B9D2: variants seen among roughly 807,000 people sequenced by gnomAD.
B9D2 encodes B9 domain containing 2.
Under a neutral mutation model 19.2 loss-of-function variants are expected in B9D2, and 21 were observed. That is an observed-to-expected ratio of 1.09 (90% CI 0.78 to 1.58). The LOEUF (loss-of-function observed/expected upper bound fraction) is 1.58. Among genes scored for constraint, B9D2 ranks in the 40% most tolerant of loss-of-function variants. B9D2 has a pLI of 0.00. For missense variants in B9D2, 221 were observed against 244.3 expected (o/e 0.90, Z 0.64); for synonymous variants, 91 against 100.6 (o/e 0.90, Z 0.57).
At position 41,354,792 on chromosome 19, in the gene B9D2, G is replaced by C; in HGVS notation, c.436C>G (p.Arg146Gly). The C allele has an allele frequency of 6.2e-7, 1 of 1,613,980 alleles. No individual in the cohort carries two copies. The highest frequency in any genetic ancestry group is 8.5e-7 in the Non-Finnish European group (1 of 1,180,028). ...HGDTIYSGAD[R>G]YRLHTAAGGT... ...CCAGCAGCTGTGTGCAGGCGATAGC[G>C]GTCGGCCCCACTGTAGATGGTGTCC... is the stretch of plus-strand genomic sequence containing the variant. Residue 146 changes from arginine to glycine, a missense_variant, in exon 4 of 4, where the codon CGC becomes GGC. Transcript: ENST00000243578.
chr19:41,359,576 G>A (rs906430721), intron 2 of B9D2, among the ~76,000 whole-genome samples: 1 of 151,902 alleles, frequency 6.6e-6, no homozygotes, highest in Admixed American at 6.6e-5. Flanking sequence ...GGTGGCGCAC[G>A]CCCATAGTCC....
chr19:41,363,207 C>A, intron 2 of B9D2: 1 of 589,862 alleles, frequency 1.7e-6, no homozygotes, highest in Admixed American at 2.6e-5. Flanking sequence ...GATCACACCA[C>A]CTTACTCCAG....
intron 2 of B9D2, among the ~76,000 whole-genome samples, chr19:41,359,936 C>A (rs1224748995): frequency 6.6e-6 from 1 of 152,066 alleles, no homozygotes; most frequent in Non-Finnish European, 1.5e-5. Flanking sequence ...TCTGGCCTCA[C>A]TGTCCCACTT....
rs58315091 is a variant in B9D2 at position 41,358,912 on chromosome 19, G to A, written c.89-890C>T. Among the ~76,000 whole-genome samples, 68 of 152,052 alleles carry A rather than the reference G, an allele frequency of 4.5e-4. 1 individual carries two copies. Among genetic ancestry groups the A allele is most frequent in the Middle Eastern group, 3.4e-3 (1 of 294 alleles). ...AATCCCAGCACTTTAGGAGGCTTAG[G>A]GGGGGGTGGATCATCTAAGGTCAGG... On this transcript the variant is annotated intron_variant, in intron 2 of 3. Coordinates refer to ENST00000243578, the MANE Select transcript of B9D2 (RefSeq NM_030578.4).
Position 41,357,968 on chromosome 19 carries a change from G to T in B9D2, c.143C>A (p.Thr48Asn), listed in dbSNP as rs1340501833. The change falls in exon 3 of 4, where the codon ACC becomes AAC. Residue 48 changes from threonine (T) to asparagine (N), a missense_variant. Transcript: ENST00000243578. ...GTAAGCCATGTCCCCTATCTGCGGG[G>T]TGTCCACTTGCGTTTGGCCCTCCCG... ...GVREGQTQVDTPQIGDMAYWS... is the reference protein window; with the variant it reads ...GVREGQTQVDNPQIGDMAYWS... 6.8e-6 allele frequency: 11 copies of T among 1,614,144 alleles called. No individual in the cohort carries two copies. The highest frequency in any genetic ancestry group is 4.5e-5 in the East Asian group (2 of 44,886).
At chr19:41,360,382 G>T (rs369667136) in intron 2 of B9D2, among the ~76,000 whole-genome samples, 7 of 152,238 alleles carry the variant, frequency 4.6e-5, no homozygotes, top group African/African-American at 1.2e-4. Flanking sequence ...TCACTATGTT[G>T]CCCAGGCTGG....
At position 41,354,756 on chromosome 19, in the gene B9D2, G is replaced by A. The variant is rs1239721268; in HGVS notation, c.472C>T (p.His158Tyr). The A allele has an allele frequency of 1.2e-6, 2 of 1,613,862 alleles. No individual in the cohort carries two copies. The highest frequency in any genetic ancestry group is 1.3e-5 in the African/African-American group (1 of 74,936). ...CGGAGCAGCAGGCCGATCTCCAGGTGCACGGTGCCACCAGCAGCTGTGTGC... is the reference window on the plus strand; with the variant it reads ...CGGAGCAGCAGGCCGATCTCCAGGTACACGGTGCCACCAGCAGCTGTGTGC... ...RLHTAAGGTV[H>Y]LEIGLLLRNF... The change falls in exon 4 of 4, where the codon CAC becomes TAC. Residue 158 changes from histidine (H) to tyrosine (Y), a missense_variant. His to Tyr is a moderately conservative substitution (Grantham distance 83). Transcript: ENST00000243578.
intron 3 of B9D2, among the ~76,000 whole-genome samples, chr19:41,356,451 C>T (rs2038314512): frequency 6.6e-6 from 1 of 152,096 alleles, no homozygotes; most frequent in Admixed American, 6.6e-5. Context: ...CTGGAGGCCC[C>T]AAGAGCTGAA....
intron 2 of B9D2, chr19:41,361,252 T>C (rs1312817815): frequency 6.6e-6 from 1 of 152,160 alleles, no homozygotes; most frequent in African/African-American, 2.4e-5. Context: ...TGGGCTGAGT[T>C]GAGGGAAGCA....
chr19:41,358,944 A>T (rs1030907539), intron 2 of B9D2, among the ~76,000 whole-genome samples: 4 of 152,142 alleles, frequency 2.6e-5, no homozygotes, highest in Admixed American at 1.3e-4. Context: ...CAGGAGTTCA[A>T]GACCAGCCTG....
At chr19:41,357,280 C>G (rs965148337) in intron 3 of B9D2, among the ~76,000 whole-genome samples, 3 of 152,118 alleles carry the variant, frequency 2.0e-5, no homozygotes, top group Admixed American at 6.6e-5. Context: ...GACGGTGAAC[C>G]CTGTGAGGAC....
chr19:41,361,522 TCACA>T lies in B9D2; in HGVS notation c.88+1906_88+1909del, dbSNP rs565517535. Among the ~76,000 whole-genome samples, 1,015 of 152,226 alleles carry T rather than the reference TCACA, an allele frequency of 6.7e-3. 7 individuals carry two copies. Among genetic ancestry groups the T allele is most frequent in the African/African-American group, 0.021 (884 of 41,532 alleles). ...GGACCCAGGGGCCAGGCGCAGTGGC[TCACA>T]CCTGTAATCCCAGCACTTTGGAAGG... On this transcript the variant is annotated intron_variant, in intron 2 of 3. Coordinates refer to ENST00000243578, the MANE Select transcript of B9D2 (RefSeq NM_030578.4).
intron 2 of B9D2, among the ~76,000 whole-genome samples, chr19:41,359,388 A>G (rs4803458): frequency 0.7 from 105,645 of 151,890 alleles, 37,397 homozygotes; most frequent in African/African-American, 0.79. Flanking sequence ...CCAAAATGGT[A>G]AAACTCTGTC....
chr19:41,356,657 A>G (rs150742890), intron 3 of B9D2, among the ~76,000 whole-genome samples: 1,942 of 151,864 alleles, frequency 0.013, 54 homozygotes, highest in African/African-American at 0.045. Flanking sequence ...CAGCCTGACC[A>G]CCTTGGTGAA....
rs549005651 is a variant in B9D2, at chr19:41,359,777, A to C, written c.89-1755T>G. Among the ~76,000 whole-genome samples, 37 of 152,258 alleles carry C rather than the reference A, an allele frequency of 2.4e-4. 1 individual carries two copies. The highest frequency in any genetic ancestry group is 8.9e-4 in the African/African-American group (37 of 41,548). ...TCCCAGATGCTATGCTAAGTACTTT[A>C]AGCATCCATTCATTTAATCCACCCT... On this transcript the variant is annotated intron_variant, in intron 2 of 3. Transcript: ENST00000243578.
At chr19:41,356,476 C>T (rs1383696545) in intron 3 of B9D2, among the ~76,000 whole-genome samples, 1 of 151,968 alleles carries the variant, frequency 6.6e-6, no homozygotes, top group Non-Finnish European at 1.5e-5. Flanking sequence ...TAGAGCTGCC[C>T]ACCTCACCCA....
Position 41,364,006 on chromosome 19 carries a change from T to C in B9D2, c.-53A>G, listed in dbSNP as rs865886800. The C allele has an allele frequency of 4.8e-6, 1 of 206,536 alleles. No individual in the cohort carries two copies. Among genetic ancestry groups the C allele is most frequent in the Non-Finnish European group, 1.0e-5 (1 of 98,138 alleles). 12.8% of individuals were successfully genotyped at this position (206,536 alleles called of 1,614,324 possible). A position where few individuals can be genotyped will look rare whatever the true frequency, so the allele number is the denominator to read the frequency against. On this transcript the variant is annotated 5_prime_UTR_variant, in exon 1 of 4. Coordinates refer to ENST00000243578, the MANE Select transcript of B9D2 (RefSeq NM_030578.4). The stretch of plus-strand genomic sequence containing the variant: ...GAGGAGAAAGCGGCAACCGGGGTTG[T>C]AGTTCATGGGCTTGACTGCTTCTTT...
intron 3 of B9D2, among the ~76,000 whole-genome samples, chr19:41,357,507 T>C (rs1278933273): frequency 6.6e-6 from 1 of 152,198 alleles, no homozygotes; most frequent in Non-Finnish European, 1.5e-5. Context: ...TGATTTCCCC[T>C]TTGAGCAGCA....
rs2038447777 is a variant in B9D2 at position 41,363,483 on chromosome 19, C to A, written c.37G>T (p.Ala13Ser). The change falls in exon 2 of 4, where the codon GCC becomes TCC. Residue 13 changes from alanine (A) to serine (S), a missense_variant. Physicochemically the swap from Ala to Ser is moderately conservative, Grantham distance 99. Transcript: ENST00000243578. ...AGGCTACTTTCCGAGAAACCGCTGG[C>A]CCCTATGATCTGCCCGATCACGTGC... ...EVHVIGQIIG[A>S]SGFSESSLFC... 2 of 1,614,028 alleles carry A rather than the reference C, an allele frequency of 1.2e-6. No homozygotes were observed. Among genetic ancestry groups the A allele is most frequent in the Admixed American group, 3.3e-5 (2 of 59,988 alleles).
Sources: gnomAD v4.1 joint callset for allele counts (sites outside exome capture counted in the v4.1 genomes callset) on GRCh38, gnomAD v4.1.1 for gene constraint, MANE v1.5 for transcripts, NCBI Gene and HGNC (gene_info 2026-07-23, HGNC 2026-07-21) for gene names.